The following JAZF1 variants were observed in gnomAD, a reference collection of about 807,000 sequenced individuals.
JAZF1 encodes the protein JAZF zinc finger 1.
Under a neutral mutation model 26.4 loss-of-function variants are expected in JAZF1, and 8 were observed. The ratio of observed to expected loss-of-function variants is 0.30; its 90% CI spans 0.18 to 0.55. The LOEUF is 0.55. JAZF1 is among the 20% of genes least tolerant of loss of function. The pLI, the probability that JAZF1 is intolerant of heterozygous loss-of-function variation, is 0.94. For missense variants in JAZF1, 199 were observed against 322.0 expected (o/e 0.62, Z 2.92); for synonymous variants, 126 against 122.3 (o/e 1.03, Z -0.20).
intron 3 of JAZF1, among the ~76,000 whole-genome samples, chr7:27,856,019 T>A (rs1562767166): frequency 6.6e-6 from 1 of 152,168 alleles, no homozygotes; most frequent in Non-Finnish European, 1.5e-5. Flanking sequence ...TCCACCACCA[T>A]CGAGTTGGCT....
chr7:28,120,514 T>TTTTTTG (rs1782584586), intron 1 of JAZF1, among the ~76,000 whole-genome samples: 1 of 93,222 alleles, frequency 1.1e-5, no homozygotes, highest in Non-Finnish European at 2.0e-5. Flanking sequence ...TTTTTTTTTT[T>TTTTTTG]TTTTTTTTTT....
chr7:28,097,996 A>G (rs1784411125), intron 1 of JAZF1, among the ~76,000 whole-genome samples: 1 of 152,212 alleles, frequency 6.6e-6, no homozygotes, highest in African/African-American at 2.4e-5. Flanking sequence ...GAAGCACACA[A>G]AACGGAACAT....
At chr7:28,055,464 G>A (rs938739302) in intron 1 of JAZF1, among the ~76,000 whole-genome samples, 4 of 152,070 alleles carry the variant, frequency 2.6e-5, no homozygotes, top group African/African-American at 9.7e-5. Context: ...TTTGGTGCGT[G>A]TGATTTCCTC....
At position 27,905,985 on chromosome 7, in the gene JAZF1, C is replaced by T. The variant is rs1784249404; in HGVS notation, c.189-10569G>A. Among the ~76,000 whole-genome samples, 3 of 152,278 alleles carry T rather than the reference C, an allele frequency of 2.0e-5. No individual in the cohort carries two copies. The South Asian group carries it at 6.2e-4, about 32-fold the overall frequency. Reference sequence around the variant, plus strand: ...AGTATTATTTATAACATACTGTTTACAATTATTCTCTAGATGCAAATTTTT... The same window carrying T: ...AGTATTATTTATAACATACTGTTTATAATTATTCTCTAGATGCAAATTTTT... On this transcript the variant is annotated intron_variant, in intron 2 of 4. Coordinates refer to ENST00000283928, the MANE Select transcript of JAZF1 (RefSeq NM_175061.4).
intron 3 of JAZF1, among the ~76,000 whole-genome samples, chr7:27,881,724 G>A (rs1043464588): frequency 4.6e-5 from 7 of 152,258 alleles, no homozygotes; most frequent in African/African-American, 1.7e-4. Flanking sequence ...GATAACCCCA[G>A]ACAGTTCTGT....
At chr7:27,912,753 T>C (rs774573706) in intron 2 of JAZF1, among the ~76,000 whole-genome samples, 4 of 152,104 alleles carry the variant, frequency 2.6e-5, no homozygotes, top group Non-Finnish European at 1.5e-5. Flanking sequence ...GCCCAGAGCA[T>C]GTGGCCCTAC....
At chr7:28,162,498 T>C (rs1783308933) in intron 1 of JAZF1, among the ~76,000 whole-genome samples, 1 of 152,190 alleles carries the variant, frequency 6.6e-6, no homozygotes, top group African/African-American at 2.4e-5. Flanking sequence ...GCTGAACTTT[T>C]TGTCCTAGAG....
intron 2 of JAZF1, among the ~76,000 whole-genome samples, chr7:27,990,572 A>G (rs1785879476): frequency 6.6e-6 from 1 of 152,228 alleles, no homozygotes; most frequent in Admixed American, 6.5e-5. Context: ...TTGTATATAC[A>G]TAGGTGACAT....
At chr7:28,176,451 C>CA (rs1783552833) in intron 1 of JAZF1, among the ~76,000 whole-genome samples, 1 of 152,198 alleles carries the variant, frequency 6.6e-6, no homozygotes, top group South Asian at 2.1e-4. Flanking sequence ...AGCCTCTCAG[C>CA]AAGGCCCACC....
chr7:27,909,500 AG>A (rs1226930227), intron 2 of JAZF1, among the ~76,000 whole-genome samples: 1 of 152,138 alleles, frequency 6.6e-6, no homozygotes, highest in East Asian at 1.9e-4. Context: ...TGAGGTCGGG[AG>A]TTCGAGACCA....
intron 1 of JAZF1, among the ~76,000 whole-genome samples, chr7:28,101,899 A>AC (rs1784477581): frequency 6.6e-6 from 1 of 152,208 alleles, no homozygotes; most frequent in Non-Finnish European, 1.5e-5. Flanking sequence ...AAAAGGGATC[A>AC]ATACGGCATG....
intron 2 of JAZF1, among the ~76,000 whole-genome samples, chr7:27,956,584 T>C (rs1785097139): frequency 6.6e-6 from 1 of 152,166 alleles, no homozygotes; most frequent in South Asian, 2.1e-4. Context: ...TCAACACTAC[T>C]GGGGAGAAAG....
intron 1 of JAZF1, among the ~76,000 whole-genome samples, chr7:28,025,528 T>C (rs955300064): frequency 6.6e-5 from 10 of 152,174 alleles, no homozygotes; most frequent in Middle Eastern, 3.2e-3. Context: ...AAGGCCAGCC[T>C]CATTCTACTA....
chr7:28,169,937 C>G (rs1388904457), intron 1 of JAZF1, among the ~76,000 whole-genome samples: 1 of 152,154 alleles, frequency 6.6e-6, no homozygotes, highest in Non-Finnish European at 1.5e-5. Context: ...TGTGCTCCTG[C>G]AGAAGCGATT....
intron 1 of JAZF1, among the ~76,000 whole-genome samples, chr7:28,047,380 T>C (rs1783514421): frequency 6.6e-6 from 1 of 152,144 alleles, no homozygotes; most frequent in African/African-American, 2.4e-5. Context: ...GAAATTCTAT[T>C]AAAATTTCAT....
At position 27,869,155 on chromosome 7, in the gene JAZF1, C is replaced by G. The variant is rs763135163; in HGVS notation, c.385+26065G>C. ...CATAGTGATAAGCAAGAGGTTTTTA[C>G]GTGGTTTGGTAATAAGACTAAGTGT... On this transcript the variant is annotated intron_variant, in intron 3 of 4. Transcript: ENST00000283928. Among the ~76,000 whole-genome samples, 9 of 152,278 alleles carry G rather than the reference C, an allele frequency of 5.9e-5. No individual in the cohort carries two copies. The South Asian group carries it at 6.2e-4, about 11-fold the overall frequency.
intron 1 of JAZF1, among the ~76,000 whole-genome samples, chr7:28,070,548 G>A (rs923501694): frequency 3.3e-5 from 5 of 152,294 alleles, no homozygotes; most frequent in Admixed American, 2.0e-4. Context: ...CAGCAATCCC[G>A]GCACGATCCT....
At position 28,009,977 on chromosome 7, in the gene JAZF1, T is replaced by C. The variant is rs562960092; in HGVS notation, c.116-17996A>G. On this transcript the variant is annotated intron_variant, in intron 1 of 4. Coordinates refer to ENST00000283928, the MANE Select transcript of JAZF1 (RefSeq NM_175061.4). ...CATGATAAGAGATTTAGGTAAAACA[T>C]AGAAGATCATTTGCAATTTGGCTTC... is the stretch of plus-strand genomic sequence containing the variant. Among the ~76,000 whole-genome samples, 10 of 152,320 alleles carry C rather than the reference T, an allele frequency of 6.6e-5. 1 individual carries two copies. In the South Asian group the frequency reaches 1.9e-3, roughly 28 times the overall value.
chr7:27,846,058 G>A (rs1213777633), intron 3 of JAZF1, among the ~76,000 whole-genome samples: 1 of 152,026 alleles, frequency 6.6e-6, no homozygotes, highest in Non-Finnish European at 1.5e-5. Flanking sequence ...CTACCACAAA[G>A]CTCTCTAGCT....
Sources: gnomAD v4.1 joint callset for allele counts (sites outside exome capture counted in the v4.1 genomes callset) on GRCh38, gnomAD v4.1.1 for gene constraint, MANE v1.5 for transcripts, NCBI Gene and HGNC (gene_info 2026-07-23, HGNC 2026-07-21) for gene names.